SGMS1: variants seen among roughly 807,000 people sequenced by gnomAD.
SGMS1 encodes phosphatidylcholine:ceramide cholinephosphotransferase 1.
Under a neutral mutation model 46.2 loss-of-function variants are expected in SGMS1, and 13 were observed. The ratio of observed to expected loss-of-function variants is 0.28; its 90% CI spans 0.18 to 0.45. SGMS1 has a LOEUF of 0.45. Ranked by LOEUF, SGMS1 falls within the 20% of genes least tolerant of loss-of-function variation. The probability of loss-of-function intolerance (pLI) is 1.00; values close to 1 mark genes in which losing one functional copy is unlikely to be tolerated. For missense variants in SGMS1, 324 were observed against 519.9 expected (o/e 0.62, Z 3.66); for synonymous variants, 203 against 187.8 (o/e 1.08, Z -0.66).
chr10:50,307,437 TATCCCAGC>T lies in SGMS1; in HGVS notation c.1063-124_1063-117del. 1.3e-6 allele frequency: 1 copy of T among 766,416 alleles called. No homozygotes were observed. The allele number at this position is 766,416 out of a possible 1,614,324, so 47.5% of individuals were successfully genotyped here. On this transcript the variant is annotated intron_variant, in intron 10 of 10. Coordinates refer to ENST00000361781, the MANE Select transcript of SGMS1 (RefSeq NM_147156.4). The surrounding 1 kb of genome is among the most constrained non-coding windows in gnomAD (Gnocchi z 4.2). ...TACCTGCCCTGCGTGTCCACCCACA[TATCCCAGC>T]TTCTCTCTCTCATCACCATTCTACA...
intron 3 of SGMS1, among the ~76,000 whole-genome samples, chr10:50,510,154 T>C (rs2064760): frequency 0.72 from 109,834 of 152,086 alleles, 40,782 homozygotes; most frequent in Non-Finnish European, 0.81. Context: ...TCATAAAGTA[T>C]GGATTCTTTT....
chr10:50,570,689 CT>C (rs1838329536), intron 2 of SGMS1, among the ~76,000 whole-genome samples: 1 of 152,202 alleles, frequency 6.6e-6, no homozygotes, highest in South Asian at 2.1e-4. Context: ...AATCTGAGCA[CT>C]TTTGGAGCCC....
At chr10:50,312,586 A>G (rs1847273750) in intron 8 of SGMS1, among the ~76,000 whole-genome samples, 1 of 152,154 alleles carries the variant, frequency 6.6e-6, no homozygotes, top group Non-Finnish European at 1.5e-5. Context: ...GAAAAACAGA[A>G]AGCTTTGAGA....
chr10:50,372,692 C>CA (rs373320132), intron 6 of SGMS1, among the ~76,000 whole-genome samples: 41 of 22,488 alleles, frequency 1.8e-3, no homozygotes, highest in African/African-American at 4.2e-3. Flanking sequence ...GACTCTGTCT[C>CA]AAAAAAAAAC....
intron 3 of SGMS1, among the ~76,000 whole-genome samples, chr10:50,476,820 T>G (rs1444335096): frequency 1.3e-5 from 2 of 152,194 alleles, no homozygotes; most frequent in Non-Finnish European, 2.9e-5. Flanking sequence ...CCATGTGGTG[T>G]TAAACCTGCA....
At chr10:50,596,243 C>T (rs1354398825) in intron 1 of SGMS1, among the ~76,000 whole-genome samples, 4 of 148,706 alleles carry the variant, frequency 2.7e-5, no homozygotes, top group African/African-American at 1.0e-4. Context: ...ATGGCACGAT[C>T]TCAGCTCACC....
chr10:50,413,533 T>C (rs944773924), intron 6 of SGMS1, among the ~76,000 whole-genome samples: 3 of 152,240 alleles, frequency 2.0e-5, no homozygotes, highest in Non-Finnish European at 2.9e-5. Flanking sequence ...ATAACACTAC[T>C]GACATTTTGG....
chr10:50,316,091 GT>G (rs1421280050), intron 8 of SGMS1, among the ~76,000 whole-genome samples: 1 of 152,182 alleles, frequency 6.6e-6, no homozygotes, highest in Non-Finnish European at 1.5e-5. Flanking sequence ...CCATCATTCA[GT>G]TTGCAGATGG....
chr10:50,482,046 T>C lies in SGMS1; in HGVS notation c.-497-15114A>G, dbSNP rs571836179. 5.3e-5 allele frequency among the ~76,000 whole-genome samples: 8 copies of C among 152,234 alleles called. No homozygotes were observed. In the South Asian group the frequency reaches 6.2e-4, roughly 12 times the overall value. On this transcript the variant is annotated intron_variant, in intron 3 of 10. Transcript: ENST00000361781. ...GTAAAAAGACCAAACCTATAACTGA[T>C]TGGGGTACCTAAAAGAGATGGAAAG...
intron 1 of SGMS1, among the ~76,000 whole-genome samples, chr10:50,591,426 G>A (rs1200654784): frequency 2.0e-5 from 3 of 152,010 alleles, no homozygotes; most frequent in South Asian, 4.2e-4. Context: ...GGAGGCAGCC[G>A]GGCACTGCAG....
intron 2 of SGMS1, among the ~76,000 whole-genome samples, chr10:50,525,886 C>T (rs3011778): frequency 0.84 from 127,741 of 152,172 alleles, 53,718 homozygotes; most frequent in East Asian, 1. Flanking sequence ...ATAGTTTGTA[C>T]ACCCATGACA....
chr10:50,489,940 C>T (rs540715282), intron 3 of SGMS1, among the ~76,000 whole-genome samples: 1 of 152,232 alleles, frequency 6.6e-6, no homozygotes, highest in African/African-American at 2.4e-5. Flanking sequence ...TGCCACTGCA[C>T]TCCAGCCTGG....
rs554309657 is a variant in SGMS1 at position 50,307,414 on chromosome 10, C to T, written c.1063-93G>A. The T allele has an allele frequency of 5.6e-5, 62 of 1,113,724 alleles. 1 individual carries two copies. In the South Asian group the frequency reaches 8.6e-4, roughly 15 times the overall value. 69.0% of individuals were successfully genotyped at this position (1,113,724 alleles called of 1,614,324 possible). The stretch of plus-strand genomic sequence containing the variant: ...GCTAAAATTCCCAAAGGACTCCATA[C>T]CTGCCCTGCGTGTCCACCCACATAT... On this transcript the variant is annotated intron_variant, in intron 10 of 10. Coordinates refer to ENST00000361781, the MANE Select transcript of SGMS1 (RefSeq NM_147156.4). This position sits in a 1 kb window ranked among gnomAD's most constrained non-coding sequence, Gnocchi z 4.2.
chr10:50,388,472 A>G (rs745393316), intron 6 of SGMS1, among the ~76,000 whole-genome samples: 5 of 114,380 alleles, frequency 4.4e-5, no homozygotes, highest in Admixed American at 2.4e-4. Context: ...TGTCTCTACT[A>G]AAAAAAAAAA....
chr10:50,592,462 GA>G (rs1188951503), intron 1 of SGMS1, among the ~76,000 whole-genome samples: 1 of 151,984 alleles, frequency 6.6e-6, no homozygotes, highest in Non-Finnish European at 1.5e-5. Context: ...ATGGTCTTGG[GA>G]AAAAGTATGG....
In SGMS1 at chr10:50,307,078, C is replaced by T; in HGVS notation, c.*64G>A. Reference sequence around the variant, plus strand: ...GATTAGGGAGGTGTTTATTTTATGGCATCTTCTCTCATGGAGTTCTTAGCA... The same window carrying T: ...GATTAGGGAGGTGTTTATTTTATGGTATCTTCTCTCATGGAGTTCTTAGCA... On this transcript the variant is annotated 3_prime_UTR_variant, in exon 11 of 11. Coordinates refer to ENST00000361781, the MANE Select transcript of SGMS1 (RefSeq NM_147156.4). The surrounding 1 kb of genome is among the most constrained non-coding windows in gnomAD (Gnocchi z 4.2). 3 of 1,486,474 alleles carry T rather than the reference C, an allele frequency of 2.0e-6. No homozygotes were observed. Among genetic ancestry groups the T allele is most frequent in the South Asian group, 1.3e-5 (1 of 77,784 alleles). 92.1% of individuals were successfully genotyped at this position (1,486,474 alleles called of 1,614,324 possible).
Position 50,437,108 on chromosome 10 carries a change from C to T in SGMS1, c.-312-3552G>A, listed in dbSNP as rs534719293. ...AATAAAGTTCATGGCAAACAGTAAA[C>T]GCTTATTAAATGTTGTGCCATTGGA... On this transcript the variant is annotated intron_variant, in intron 5 of 10. Coordinates refer to ENST00000361781, the MANE Select transcript of SGMS1 (RefSeq NM_147156.4). Among the ~76,000 whole-genome samples, 10 of 152,236 alleles carry T rather than the reference C, an allele frequency of 6.6e-5. No homozygotes were observed. In the South Asian group the frequency reaches 1.0e-3, roughly 16 times the overall value.
intron 6 of SGMS1, among the ~76,000 whole-genome samples, chr10:50,344,942 T>G (rs1847892766): frequency 6.6e-6 from 1 of 152,114 alleles, no homozygotes; most frequent in Admixed American, 6.5e-5. Context: ...TTTGGACACT[T>G]TTCAACCTGG....
At chr10:50,544,115 C>T (rs1158263311) in intron 2 of SGMS1, among the ~76,000 whole-genome samples, 1 of 152,180 alleles carries the variant, frequency 6.6e-6, no homozygotes, top group Non-Finnish European at 1.5e-5. Flanking sequence ...GCTGACATAG[C>T]TTATAGGAAG....
Sources: gnomAD v4.1 joint callset for allele counts (sites outside exome capture counted in the v4.1 genomes callset) on GRCh38, gnomAD v4.1.1 for gene constraint, Gnocchi (gnomAD v3.1) non-coding constraint, MANE v1.5 for transcripts, NCBI Gene and HGNC (gene_info 2026-07-23, HGNC 2026-07-21) for gene names.